The following CRHR2 variants were observed in gnomAD, a reference collection of about 807,000 sequenced individuals.
CRHR2 encodes the protein corticotropin releasing hormone receptor 2.
In CRHR2, 53 loss-of-function variants were observed where a neutral mutation model predicts 57.9. The observed-to-expected ratio is 0.92, with a 90% CI of 0.73 to 1.15. CRHR2 has a LOEUF of 1.15. Ranked by LOEUF, CRHR2 falls within the 50% of genes most tolerant of loss-of-function variation. The pLI is 0.00. For synonymous variants in CRHR2, 213 were observed against 220.9 expected (o/e 0.96, Z 0.32); for missense variants, 532 against 542.6 (o/e 0.98, Z 0.19).
intron 1 of CRHR2, among the ~76,000 whole-genome samples, chr7:30,699,486 A>C (rs536047735): frequency 1.3e-5 from 2 of 150,936 alleles, no homozygotes; most frequent in South Asian, 4.2e-4. Context: ...AAGGGTCAGA[A>C]CTAGGGGTGG....
chr7:30,671,182 C>A (rs147870490), intron 2 of CRHR2, among the ~76,000 whole-genome samples: 1 of 152,276 alleles, frequency 6.6e-6, no homozygotes, highest in African/African-American at 2.4e-5. Context: ...TAAATTGATT[C>A]TCTATGATGT....
chr7:30,682,947 G>T (rs1234198073), upstream of CRHR2, among the ~76,000 whole-genome samples: 1 of 152,220 alleles, frequency 6.6e-6, no homozygotes, highest in Non-Finnish European at 1.5e-5. Context: ...GTATCGAGGA[G>T]GCCTGGAGGG....
intron 2 of CRHR2, among the ~76,000 whole-genome samples, chr7:30,676,570 A>T (rs1784523555): frequency 6.6e-6 from 1 of 152,172 alleles, no homozygotes; most frequent in South Asian, 2.1e-4. Context: ...CACTCCCTCC[A>T]GAAAGCCTCC....
In CRHR2 at chr7:30,696,026, A is replaced by G. The variant is rs370853349; in HGVS notation, c.-261+3918T>C. 1.4e-4 allele frequency among the ~76,000 whole-genome samples: 22 copies of G among 152,358 alleles called. No individual in the cohort carries two copies. In the East Asian group the frequency reaches 1.7e-3, roughly 12 times the overall value. On this transcript the variant is annotated intron_variant, in intron 1 of 13. Transcript: ENST00000341843. Reference sequence around the variant, plus strand: ...ATAATCTGTCCCCCATGGGTTTGCAATGACTAAAAATTAGAATGTTGAGAA... The same window carrying G: ...ATAATCTGTCCCCCATGGGTTTGCAGTGACTAAAAATTAGAATGTTGAGAA...
At chr7:30,672,580 C>A (rs1461402794) in intron 2 of CRHR2, among the ~76,000 whole-genome samples, 3 of 152,176 alleles carry the variant, frequency 2.0e-5, no homozygotes, top group South Asian at 2.1e-4. Context: ...AGATGCATGG[C>A]AAATACAAAA....
In CRHR2 at chr7:30,653,437, T is replaced by C. The variant is rs377066091; in HGVS notation, c.*23A>G. 5 of 1,610,318 alleles carry C rather than the reference T, an allele frequency of 3.1e-6. No individual in the cohort carries two copies. In the African/African-American group the frequency reaches 6.7e-5, roughly 22 times the overall value. ...AGAAGGTGGAGGAGGACAGGGGAGC[T>C]GTGCAGGTGGGCGACCGAGGGGTCA... On this transcript the variant is annotated 3_prime_UTR_variant, in exon 12 of 12. Coordinates refer to ENST00000471646, the MANE Select transcript of CRHR2 (RefSeq NM_001883.5). This position sits in a 1 kb window ranked among gnomAD's most constrained non-coding sequence, Gnocchi z 5.0.
At chr7:30,655,849 G>C (rs965785857) in intron 9 of CRHR2, 78 bp downstream of exon 9, 34 of 1,583,986 alleles carry the variant, frequency 2.1e-5, no homozygotes, top group African/African-American at 5.4e-5. Flanking sequence ...GGGGCAGAGG[G>C]CTCTGCCAGG....
chr7:30,670,394 G>A (rs951557412), intron 2 of CRHR2, among the ~76,000 whole-genome samples: 3 of 152,222 alleles, frequency 2.0e-5, no homozygotes, highest in Admixed American at 6.5e-5. Context: ...CAAGTAAGTA[G>A]AAGCCATATT....
chr7:30,665,484 G>A lies in CRHR2; in HGVS notation c.425+46C>T, dbSNP rs112581298. On this transcript the variant is annotated intron_variant, in intron 4 of 11. Transcript: ENST00000471646. The surrounding 1 kb of genome is among the most constrained non-coding windows in gnomAD (Gnocchi z 4.5). ...GTCTGGGAGAGGTGAAGGGGGTGCTGTAGGGGGAGGGATGAGGAGAAAGCA... is the reference window on the plus strand; with the variant it reads ...GTCTGGGAGAGGTGAAGGGGGTGCTATAGGGGGAGGGATGAGGAGAAAGCA... 1 of 1,450,396 alleles carries A rather than the reference G, an allele frequency of 6.9e-7. No homozygotes were observed. Among genetic ancestry groups the A allele is most frequent in the African/African-American group, 1.4e-5 (1 of 71,104 alleles). The allele number at this position is 1,450,396 out of a possible 1,614,324, so 89.8% of individuals were successfully genotyped here.
chr7:30,672,049 C>T (rs1784379991), intron 2 of CRHR2, among the ~76,000 whole-genome samples: 1 of 152,344 alleles, frequency 6.6e-6, no homozygotes, highest in African/African-American at 2.4e-5. Flanking sequence ...CAACTCCATT[C>T]TTCATCCCTG....
intron 8 of CRHR2, among the ~76,000 whole-genome samples, 166 bp downstream of exon 8, chr7:30,660,407 C>T (rs1312412427): frequency 6.6e-6 from 1 of 152,150 alleles, no homozygotes; most frequent in African/African-American, 2.4e-5. Flanking sequence ...AAGGGAAGGC[C>T]GGGTGGTGCT....
chr7:30,673,957 C>G (rs898771361), intron 2 of CRHR2, among the ~76,000 whole-genome samples: 2 of 152,232 alleles, frequency 1.3e-5, no homozygotes, highest in Admixed American at 6.5e-5. Flanking sequence ...TCCCCAGGGC[C>G]CTTTGCTGGT....
intron 1 of CRHR2, among the ~76,000 whole-genome samples, chr7:30,694,249 C>T (rs1785013445): frequency 6.6e-6 from 1 of 152,206 alleles, no homozygotes; most frequent in Admixed American, 6.5e-5. Context: ...TTGCTCTGAG[C>T]CTAGCCTGTG....
rs575735314 is a variant in CRHR2 at position 30,653,359 on chromosome 7, C to G, written c.*101G>C. On this transcript the variant is annotated 3_prime_UTR_variant, in exon 12 of 12. Transcript: ENST00000471646. This position sits in a 1 kb window ranked among gnomAD's most constrained non-coding sequence, Gnocchi z 5.0. ...TGCCAGGCTGGAGAGCTGGTCTCTC[C>G]CCTCCCATCTCCTGCCCCACGAGAG... is the stretch of plus-strand genomic sequence containing the variant. The G allele has an allele frequency of 2.7e-6, 4 of 1,492,948 alleles. No homozygotes were observed. The highest frequency in any genetic ancestry group is 2.7e-6 in the Non-Finnish European group (3 of 1,109,702). The allele number at this position is 1,492,948 out of a possible 1,614,324, so 92.5% of individuals were successfully genotyped here.
At chr7:30,671,399 G>T (rs1363132867) in intron 2 of CRHR2, among the ~76,000 whole-genome samples, 4 of 152,066 alleles carry the variant, frequency 2.6e-5, no homozygotes, top group South Asian at 2.1e-4. Context: ...TGGTAGTTTT[G>T]GGGGAAGGAG....
chr7:30,669,672 C>T (rs1019976783), intron 2 of CRHR2, among the ~76,000 whole-genome samples: 1 of 152,188 alleles, frequency 6.6e-6, no homozygotes, highest in Non-Finnish European at 1.5e-5. Flanking sequence ...CTCCTCTTGC[C>T]TCCCTGCTTC....
At chr7:30,693,480 C>T (rs1371613433) in intron 1 of CRHR2, among the ~76,000 whole-genome samples, 5 of 152,202 alleles carry the variant, frequency 3.3e-5, no homozygotes, top group African/African-American at 4.8e-5. Flanking sequence ...CGGTGCTCTG[C>T]GCCCTCCCCA....
At chr7:30,654,410 C>T (rs1783695906) in intron 11 of CRHR2, among the ~76,000 whole-genome samples, 1 of 152,226 alleles carries the variant, frequency 6.6e-6, no homozygotes, top group Admixed American at 6.5e-5. Flanking sequence ...CGCCAGTGCC[C>T]TGTGCAGAGA....
intron 6 of CRHR2, 107 bp downstream of exon 6, chr7:30,662,587 G>A (rs1194727894): frequency 1.5e-6 from 2 of 1,374,202 alleles, no homozygotes; most frequent in African/African-American, 1.4e-5. Flanking sequence ...ACTGCGCTGG[G>A]GGTGGAGGGC....
Sources: allele counts gnomAD v4.1 joint callset (sites outside exome capture counted in the v4.1 genomes callset), GRCh38; gene constraint gnomAD v4.1.1; non-coding constraint Gnocchi (gnomAD v3.1); transcripts MANE v1.5; gene names NCBI Gene and HGNC (gene_info 2026-07-23, HGNC 2026-07-21).